Variants in PGM3 observed in about 807,000 individuals in gnomAD.
PGM3 encodes phosphoglucomutase 3.
PGM3 carries 40 observed loss-of-function variants against 66.2 expected under a neutral mutation model. The observed-to-expected ratio is 0.60, with a 90% confidence interval of 0.47 to 0.79. The LOEUF is 0.79. PGM3 is among the 30% of genes least tolerant of loss of function. PGM3 has a pLI of 0.00. For synonymous variants in PGM3, 191 were observed against 224.2 expected, an observed-to-expected ratio of 0.85 and a Z score of 1.32; for missense variants, 537 against 643.4, an observed-to-expected ratio of 0.83 and a Z score of 1.79.
At chr6:83,159,150 A>G (rs1419484858), downstream of PGM3, among the ~76,000 whole-genome samples, 1 of 152,236 alleles carries the variant, frequency 6.6e-6, no homozygotes, top group African/African-American at 2.4e-5. Flanking sequence ...TAGATTTATA[A>G]AAAGGATCTC....
At chr6:83,153,899 A>G in the PGM3 span, 2 of 1,611,530 alleles carry the variant, frequency 1.2e-6, no homozygotes, top group Non-Finnish European at 1.7e-6. Context: ...TGTAGTGCAC[A>G]TAATGCCCCT....
At chr6:83,163,025 C>T, downstream of PGM3, 1 of 1,323,816 alleles carries the variant, frequency 7.6e-7, no homozygotes. Flanking sequence ...TCAAGTTGAG[C>T]TATTTTGAAA....
rs1786447496 is a variant in PGM3 at position 83,168,868 on chromosome 6, T to C, written c.*366A>G. 4 of 1,047,134 alleles carry C rather than the reference T, an allele frequency of 3.8e-6. No homozygotes were observed. Among genetic ancestry groups the C allele is most frequent in the Non-Finnish European group, 4.6e-6 (4 of 866,476 alleles). 64.9% of individuals were successfully genotyped at this position (1,047,134 alleles called of 1,614,324 possible). A position where few individuals can be genotyped will look rare whatever the true frequency, so the allele number is the denominator to read the frequency against. ...CAATGGGGAATGCTGCAAAACATCA[T>C]CTTGCTCATGTGATGGTGATGGCAA... is the stretch of plus-strand genomic sequence containing the variant. On this transcript the variant is annotated 3_prime_UTR_variant, in exon 13 of 13. Coordinates refer to ENST00000513973, the MANE Select transcript of PGM3 (RefSeq NM_015599.3).
At chr6:83,172,105 A>T (rs1162552610) in intron 10 of PGM3, 46 bp from the exon 11 acceptor site, 1 of 1,601,040 alleles carries the variant, frequency 6.2e-7, no homozygotes, top group Admixed American at 1.7e-5. Context: ...ACACAAGCAA[A>T]TCTTGGAAAT....
rs1465408809 is a variant in PGM3 at position 83,181,852 on chromosome 6, A to C, written c.671T>G (p.Met224Arg). Reference sequence around the variant, plus strand: ...CAGGCCCTGTGAGAAGTAGTGTTCCATTTCCCTTAGCTTCAGGGCCCCTAT... The same window carrying C: ...CAGGCCCTGTGAGAAGTAGTGTTCCCTTTCCCTTAGCTTCAGGGCCCCTAT... ...NGIGALKLRE[M>R]EHYFSQGLSV... is the part of the protein sequence containing the mutation. The change falls in exon 6 of 13, where the codon ATG (methionine) becomes AGG (arginine). Residue 224 changes from methionine (M) to arginine (R), a missense_variant. Transcript: ENST00000513973. 6.2e-7 allele frequency: 1 copy of C among 1,613,870 alleles called. No individual in the cohort carries two copies.
At chr6:83,189,460 ATCAG>A (rs1788878393) in intron 2 of PGM3, among the ~76,000 whole-genome samples, 2 of 152,220 alleles carry the variant, frequency 1.3e-5, no homozygotes, top group Non-Finnish European at 1.5e-5. Context: ...CTAGAAGTCA[ATCAG>A]TCAATCAATT....
the PGM3 span, among the ~76,000 whole-genome samples, chr6:83,155,681 G>A: frequency 4.6e-5 from 7 of 152,104 alleles, no homozygotes; most frequent in Non-Finnish European, 1.0e-4. Flanking sequence ...GTTTCCTCAG[G>A]GTTTTATATA....
Position 83,169,329 on chromosome 6 carries a change from A to G in PGM3, c.1540-6T>C. The G allele has an allele frequency of 6.2e-7, 1 of 1,613,516 alleles. No homozygotes were observed. The highest frequency in any genetic ancestry group is 1.1e-5 in the South Asian group (1 of 91,044). On this transcript the variant is annotated splice_region_variant and splice_polypyrimidine_tract_variant and intron_variant, in intron 12 of 12. Coordinates refer to ENST00000513973, the MANE Select transcript of PGM3 (RefSeq NM_015599.3). Reference sequence around the variant, plus strand: ...GCAAGGTGATCTGCACTTTCCTGCAAATTACATTAAAAGAGATTAGATGAG... The same window carrying G: ...GCAAGGTGATCTGCACTTTCCTGCAGATTACATTAAAAGAGATTAGATGAG...
chr6:83,189,955 G>C (rs927450395), intron 2 of PGM3, among the ~76,000 whole-genome samples: 3 of 152,210 alleles, frequency 2.0e-5, no homozygotes, highest in South Asian at 2.1e-4. Context: ...CAGAAACACA[G>C]AGTAGTATGG....
downstream of PGM3, among the ~76,000 whole-genome samples, chr6:83,157,491 T>C (rs901740632): frequency 3.3e-5 from 5 of 152,236 alleles, no homozygotes; most frequent in African/African-American, 7.2e-5. Context: ...TCCATTTCCA[T>C]ACAGCTTAAA....
the PGM3 span, chr6:83,152,211 T>C: frequency 4.3e-6 from 3 of 698,736 alleles, no homozygotes; most frequent in South Asian, 2.6e-5. Flanking sequence ...ATAAAAATAA[T>C]ACACACACAC....
rs1217626074 is a variant in PGM3, at chr6:83,166,110, TAGA to T, written c.*3121_*3123del. 2 of 415,952 alleles carry T rather than the reference TAGA, an allele frequency of 4.8e-6. No homozygotes were observed. Among genetic ancestry groups the T allele is most frequent in the African/African-American group, 2.0e-5 (1 of 49,826 alleles). 25.8% of individuals were successfully genotyped at this position (415,952 alleles called of 1,614,324 possible). On this transcript the variant is annotated 3_prime_UTR_variant, in exon 13 of 13. Transcript: ENST00000513973. ...AGAGAAATGATTCATTATTGTTGCA[TAGA>T]ATAGAGAAAATGACACTTCAAAACA...
the PGM3 span, chr6:83,148,997 T>G: frequency 7.8e-6 from 4 of 510,494 alleles, no homozygotes; most frequent in East Asian, 1.1e-4. Flanking sequence ...GATGCAAAAC[T>G]AGATGTATAA....
chr6:83,160,821 GAGT>G (rs1388778704), downstream of PGM3, among the ~76,000 whole-genome samples: 1 of 152,118 alleles, frequency 6.6e-6, no homozygotes. Context: ...ATAGGATAAA[GAGT>G]ATGCTACTGA....
At chr6:83,152,258 G>T in the PGM3 span, 2 of 1,326,444 alleles carry the variant, frequency 1.5e-6, no homozygotes, top group Non-Finnish European at 2.1e-6. Flanking sequence ...GTGGGAATTA[G>T]CCATATCTTT....
intron 5 of PGM3, among the ~76,000 whole-genome samples, 189 bp downstream of exon 5, chr6:83,182,656 A>G (rs907751726): frequency 1.3e-4 from 20 of 152,220 alleles, no homozygotes; most frequent in Middle Eastern, 3.2e-3. Context: ...TTTGCCAAGT[A>G]AACGCCAATG....
At chr6:83,163,306 T>G (rs1784669730), downstream of PGM3, among the ~76,000 whole-genome samples, 1 of 152,156 alleles carries the variant, frequency 6.6e-6, no homozygotes, top group Non-Finnish European at 1.5e-5. Flanking sequence ...AATGTTCATC[T>G]TAATGCCATG....
At chr6:83,160,392 C>T (rs377053185), downstream of PGM3, among the ~76,000 whole-genome samples, 10 of 152,286 alleles carry the variant, frequency 6.6e-5, no homozygotes, top group Non-Finnish European at 5.9e-5. Flanking sequence ...AGACATGATA[C>T]GTCTGAAGTG....
chr6:83,174,862 A>G (rs1787638497), intron 9 of PGM3, among the ~76,000 whole-genome samples: 1 of 152,230 alleles, frequency 6.6e-6, no homozygotes, highest in South Asian at 2.1e-4. Flanking sequence ...TTTGAAGGAT[A>G]TAATTCATTG....
Sources: allele counts gnomAD v4.1 joint callset (sites outside exome capture counted in the v4.1 genomes callset), GRCh38; gene constraint gnomAD v4.1.1; transcripts MANE v1.5; gene names NCBI Gene and HGNC (gene_info 2026-07-23, HGNC 2026-07-21).